The following MED27 variants were observed in gnomAD, a reference collection of about 807,000 sequenced individuals.
MED27 encodes mediator of RNA polymerase II transcription subunit 27.
In MED27, 30 loss-of-function variants were observed where a neutral mutation model predicts 38.2. The observed-to-expected ratio is 0.79, with a 90% CI of 0.59 to 1.07. MED27 has a LOEUF of 1.07. Among genes scored for constraint, MED27 ranks in the 50% least tolerant of loss-of-function variants. The probability of loss-of-function intolerance (pLI) is 0.00; values close to 1 mark genes in which losing one functional copy is unlikely to be tolerated. For synonymous variants in MED27, 122 were observed against 153.5 expected (o/e 0.79, Z 1.52); for missense variants, 289 against 397.5 (o/e 0.73, Z 2.32).
chr9:131,861,976 G>A lies in MED27; in HGVS notation c.801+1087C>T, dbSNP rs543054775. Among the ~76,000 whole-genome samples the A allele has an allele frequency of 2.7e-4, 41 of 152,212 alleles. No individual in the cohort carries two copies. Among genetic ancestry groups the A allele is most frequent in the African/African-American group, 8.9e-4 (37 of 41,508 alleles). On this transcript the variant is annotated intron_variant, in intron 7 of 7. Transcript: ENST00000292035. This position sits in a 1 kb window ranked among gnomAD's most constrained non-coding sequence, Gnocchi z 4.4. ...CCAAAGGGAAAGGGGGCATTACAAC[G>A]TGTTAGGCTCAAAAGCAAGTCTTTA...
At chr9:132,012,418 T>C (rs1832504576) in intron 3 of MED27, among the ~76,000 whole-genome samples, 1 of 152,206 alleles carries the variant, frequency 6.6e-6, no homozygotes, top group Non-Finnish European at 1.5e-5. Context: ...CCCCTGTGCA[T>C]GCAAGCAACA....
intron 6 of MED27, among the ~76,000 whole-genome samples, chr9:131,865,523 T>C (rs949957604): frequency 6.6e-6 from 1 of 152,240 alleles, no homozygotes; most frequent in Non-Finnish European, 1.5e-5. Flanking sequence ...CCAAAGTTTC[T>C]GGAGAATTCT....
At chr9:131,966,094 G>A (rs147431814) in intron 3 of MED27, among the ~76,000 whole-genome samples, 273 of 146,882 alleles carry the variant, frequency 1.9e-3, no homozygotes, top group African/African-American at 6.8e-3. Flanking sequence ...CAGGGGTGGT[G>A]GCTCACACCT....
chr9:131,894,378 G>A (rs112120917), intron 4 of MED27, among the ~76,000 whole-genome samples: 1,718 of 152,242 alleles, frequency 0.011, 32 homozygotes, highest in African/African-American at 0.039. Flanking sequence ...GTTGTTTCGT[G>A]CTCATGGCCC....
chr9:131,896,423 T>A (rs981896943), intron 4 of MED27, among the ~76,000 whole-genome samples: 1 of 152,228 alleles, frequency 6.6e-6, no homozygotes, highest in African/African-American at 2.4e-5. Flanking sequence ...GCCTTTGTAA[T>A]TTAAGTTTCT....
rs1209674712 is a variant in MED27, at chr9:132,051,706, C to T, written c.348+25736G>A. On this transcript the variant is annotated intron_variant, in intron 2 of 7. Coordinates refer to ENST00000292035, the MANE Select transcript of MED27 (RefSeq NM_004269.4). The surrounding 1 kb of genome is among the most constrained non-coding windows in gnomAD (Gnocchi z 4.2). The stretch of plus-strand genomic sequence containing the variant: ...CTTATTTCCTCAGTAACACTAGCCA[C>T]ATTTCAAGAGCTCAACAGTTACATG... Among the ~76,000 whole-genome samples the T allele has an allele frequency of 1.3e-5, 2 of 152,236 alleles. No homozygotes were observed. Among genetic ancestry groups the T allele is most frequent in the Non-Finnish European group, 2.9e-5 (2 of 68,042 alleles).
At chr9:132,076,624 T>C (rs1363452883) in intron 2 of MED27, among the ~76,000 whole-genome samples, 2 of 152,062 alleles carry the variant, frequency 1.3e-5, no homozygotes, top group Non-Finnish European at 2.9e-5. Flanking sequence ...CCAACAATTC[T>C]AACAACAATT....
At chr9:131,878,704 A>C (rs1202574175) in intron 6 of MED27, among the ~76,000 whole-genome samples, 1 of 152,160 alleles carries the variant, frequency 6.6e-6, no homozygotes, top group Non-Finnish European at 1.5e-5. Context: ...AGAGTTTTGA[A>C]ATGAGGGGGT....
rs140241873 is a variant in MED27, at chr9:131,892,951, T to A, written c.681+934A>T. ...GCATCCCACGTAGACAACACTTGTG[T>A]GGAATGTGGAAATGCTGGGTTACTT... On this transcript the variant is annotated intron_variant, in intron 5 of 7. Transcript: ENST00000292035. 1.2e-3 allele frequency among the ~76,000 whole-genome samples: 188 copies of A among 152,342 alleles called. 1 individual carries two copies. Among genetic ancestry groups the A allele is most frequent in the East Asian group, 6.0e-3 (31 of 5,192 alleles).
chr9:132,020,369 CCA>C (rs1478383426), intron 2 of MED27, among the ~76,000 whole-genome samples: 3 of 152,180 alleles, frequency 2.0e-5, no homozygotes, highest in African/African-American at 7.2e-5. Flanking sequence ...AAGCCCACAG[CCA>C]CAACCTAAGG....
intron 3 of MED27, among the ~76,000 whole-genome samples, chr9:131,962,799 TG>T (rs909537436): frequency 6.6e-6 from 1 of 152,228 alleles, no homozygotes; most frequent in African/African-American, 2.4e-5. Context: ...TTAAATCTTT[TG>T]GAATAAAACA....
chr9:132,061,584 T>C lies in MED27; in HGVS notation c.348+15858A>G, dbSNP rs74792449. On this transcript the variant is annotated intron_variant, in intron 2 of 7. Coordinates refer to ENST00000292035, the MANE Select transcript of MED27 (RefSeq NM_004269.4). ...CTAAACATTTTATTAATAAAATGCC[T>C]TGTTTACAAATCACTCCTGCCATCA... 2.3e-3 allele frequency among the ~76,000 whole-genome samples: 346 copies of C among 152,354 alleles called. 2 individuals are homozygous for C. The highest frequency in any genetic ancestry group is 8.0e-3 in the African/African-American group (331 of 41,592).
chr9:132,073,353 C>G, intron 2 of MED27: 4 of 1,001,396 alleles, frequency 4.0e-6, no homozygotes, highest in Non-Finnish European at 4.8e-6. Context: ...CAACAGAAAA[C>G]GCTTCGATTC....
At chr9:131,942,545 G>A (rs1433932252) in intron 3 of MED27, among the ~76,000 whole-genome samples, 1 of 152,190 alleles carries the variant, frequency 6.6e-6, no homozygotes, top group Non-Finnish European at 1.5e-5. Context: ...GATGTCTTCT[G>A]AACATTGAGG....
intron 3 of MED27, among the ~76,000 whole-genome samples, chr9:131,981,587 C>A (rs1241913080): frequency 6.6e-6 from 1 of 152,174 alleles, no homozygotes; most frequent in East Asian, 1.9e-4. Flanking sequence ...GGAGGAGGAG[C>A]AGAAAGGGCT....
Position 131,861,295 on chromosome 9 carries a change from A to G in MED27, c.802-623T>C, listed in dbSNP as rs575883175. 3.9e-5 allele frequency among the ~76,000 whole-genome samples: 6 copies of G among 152,274 alleles called. No homozygotes were observed. Among genetic ancestry groups the G allele is most frequent in the Admixed American group, 3.9e-4 (6 of 15,302 alleles). On this transcript the variant is annotated intron_variant, in intron 7 of 7. Transcript: ENST00000292035. The surrounding 1 kb of genome is among the most constrained non-coding windows in gnomAD (Gnocchi z 4.4). ...CAGAGCTTTCTTGGGCGTCATACAT[A>G]AGGATGAGCCTCCCGTAACTCAATT...
chr9:131,945,541 T>A (rs949813087), intron 3 of MED27, among the ~76,000 whole-genome samples: 1 of 152,158 alleles, frequency 6.6e-6, no homozygotes. Flanking sequence ...TTGAATTTAT[T>A]CCTCTTACCT....
intron 3 of MED27, among the ~76,000 whole-genome samples, chr9:131,941,870 G>A (rs1830792959): frequency 8.0e-6 from 1 of 124,724 alleles, no homozygotes; most frequent in Non-Finnish European, 1.6e-5. Flanking sequence ...CTGTCACCCA[G>A]GCTGGAGTGC....
Position 132,018,454 on chromosome 9 carries a change from C to G in MED27, c.349-3987G>C, listed in dbSNP as rs567945253. ...AGAAATCAGATGAGCAATCACCCCT[C>G]TCCCGTTCATTCTCCACTTGCATGA... On this transcript the variant is annotated intron_variant, in intron 2 of 7. Coordinates refer to ENST00000292035, the MANE Select transcript of MED27 (RefSeq NM_004269.4). 1.1e-4 allele frequency among the ~76,000 whole-genome samples: 17 copies of G among 152,364 alleles called. No individual in the cohort carries two copies. In the East Asian group the frequency reaches 1.2e-3, roughly 10 times the overall value.
Sources: allele counts gnomAD v4.1 joint callset (sites outside exome capture counted in the v4.1 genomes callset), GRCh38; gene constraint gnomAD v4.1.1; non-coding constraint Gnocchi (gnomAD v3.1); transcripts MANE v1.5; gene names NCBI Gene and HGNC (gene_info 2026-07-23, HGNC 2026-07-21).